Variants in CD8B2 observed in about 807,000 individuals in gnomAD.
CD8B2 encodes CD8B family member 2, also known as T-cell surface glycoprotein CD8 beta-2 chain.
A neutral mutation model predicts 23.7 loss-of-function variants in CD8B2; 11 were observed. The ratio of observed to expected loss-of-function variants is 0.46; its 90% confidence interval spans 0.29 to 0.77. The LOEUF (loss-of-function observed/expected upper bound fraction) is 0.77. Ranked by LOEUF, CD8B2 falls within the 30% of genes least tolerant of loss-of-function variation. The probability of loss-of-function intolerance (pLI) is 0.09; values close to 1 mark genes in which losing one functional copy is unlikely to be tolerated. For synonymous variants in CD8B2, 90 were observed against 109.3 expected (o/e 0.82, Z 1.10); for missense variants, 197 against 270.5 (o/e 0.73, Z 1.91).
chr2:106,519,890 G>A (rs1679795974), intron 5 of CD8B2, among the ~76,000 whole-genome samples: 1 of 152,226 alleles, frequency 6.6e-6, no homozygotes, highest in South Asian at 2.1e-4. Flanking sequence ...GTGGGCCACA[G>A]GTTGGACAAG....
chr2:106,523,551 G>A (rs1349449751), intron 5 of CD8B2, among the ~76,000 whole-genome samples: 2 of 152,176 alleles, frequency 1.3e-5, no homozygotes, highest in Non-Finnish European at 2.9e-5. Flanking sequence ...AGGGCCTCCT[G>A]TGTGATGCAC....
intron 5 of CD8B2, among the ~76,000 whole-genome samples, chr2:106,536,812 A>G (rs1381499364): frequency 1.3e-5 from 2 of 152,170 alleles, no homozygotes; most frequent in African/African-American, 4.8e-5. Context: ...TGTGTTGAAG[A>G]CAGAAGTCTT....
At chr2:106,492,382 T>G (rs1214963743) in intron 2 of CD8B2, among the ~76,000 whole-genome samples, 1 of 152,188 alleles carries the variant, frequency 6.6e-6, no homozygotes, top group Admixed American at 6.5e-5. Context: ...CTCAATTTAT[T>G]AACTATATTT....
chr2:106,536,404 C>A (rs571564371), intron 5 of CD8B2, among the ~76,000 whole-genome samples: 9 of 152,200 alleles, frequency 5.9e-5, no homozygotes, highest in African/African-American at 1.9e-4. Context: ...AGAAATCCAC[C>A]CTCAAAATCC....
At chr2:106,526,375 C>T (rs539047099) in intron 5 of CD8B2, among the ~76,000 whole-genome samples, 46 of 152,264 alleles carry the variant, frequency 3.0e-4, no homozygotes, top group African/African-American at 1.1e-3. Context: ...CACTTCACCT[C>T]CCAAAATGAA....
intron 5 of CD8B2, among the ~76,000 whole-genome samples, chr2:106,517,043 T>G (rs1053703508): frequency 4.0e-5 from 6 of 149,248 alleles, no homozygotes; most frequent in Non-Finnish European, 8.9e-5. Flanking sequence ...ATACATGAAA[T>G]AAATATTTCA....
chr2:106,519,260 CAT>C (rs1190323322), intron 5 of CD8B2, among the ~76,000 whole-genome samples: 1 of 152,214 alleles, frequency 6.6e-6, no homozygotes, highest in African/African-American at 2.4e-5. Flanking sequence ...CAGATTTATT[CAT>C]CTCTCTGGCC....
chr2:106,505,365 A>C (rs1679484245), intron 5 of CD8B2, among the ~76,000 whole-genome samples: 1 of 152,156 alleles, frequency 6.6e-6, no homozygotes, highest in Non-Finnish European at 1.5e-5. Flanking sequence ...GCTGGGTTTG[A>C]ATCCCGTCTG....
chr2:106,514,785 T>C (rs1679702218), downstream of CD8B2, among the ~76,000 whole-genome samples: 1 of 150,836 alleles, frequency 6.6e-6, no homozygotes, highest in Non-Finnish European at 1.5e-5. Flanking sequence ...AGAAGAAAGC[T>C]GATTCACACG....
At chr2:106,488,201 G>A (rs1679117191) in intron 1 of CD8B2, among the ~76,000 whole-genome samples, 1 of 151,964 alleles carries the variant, frequency 6.6e-6, no homozygotes, top group South Asian at 2.1e-4. Flanking sequence ...GGGGTGACAA[G>A]GCCTGCCCGC....
chr2:106,519,766 C>A (rs1457035737), intron 5 of CD8B2, among the ~76,000 whole-genome samples: 2 of 152,190 alleles, frequency 1.3e-5, no homozygotes, highest in African/African-American at 2.4e-5. Context: ...CTAATACTAA[C>A]AATAGCAGAT....
rs1679620355 is a variant in CD8B2 at position 106,510,931 on chromosome 2, CAGGAAAAGGTCTGTA to C, written c.*3996_*4010del. On this transcript the variant is annotated 3_prime_UTR_variant, in exon 6 of 6. Transcript: ENST00000643224. The stretch of plus-strand genomic sequence containing the variant: ...CCGGGTATATTTGTTTGTATATGTA[CAGGAAAAGGTCTGTA>C]AGGATTTACTTTCAGCTGTTAATTG... 6.6e-6 allele frequency: 1 copy of C among 152,050 alleles called. No homozygotes were observed. The highest frequency in any genetic ancestry group is 2.1e-4 in the South Asian group (1 of 4,822). The allele number at this position is 152,050 out of a possible 1,614,324, so 9.4% of individuals were successfully genotyped here.
chr2:106,521,196 AGT>A (rs1679821002), intron 5 of CD8B2, among the ~76,000 whole-genome samples: 1 of 152,100 alleles, frequency 6.6e-6, no homozygotes, highest in Admixed American at 6.5e-5. Context: ...ACGTTTACAT[AGT>A]GAGTGGAGAA....
At chr2:106,522,783 G>A (rs943918959) in intron 5 of CD8B2, among the ~76,000 whole-genome samples, 12 of 152,256 alleles carry the variant, frequency 7.9e-5, no homozygotes, top group Admixed American at 3.3e-4. Flanking sequence ...AATTATGTAC[G>A]TAGGTTTGCA....
Position 106,504,303 on chromosome 2 carries a change from G to A in CD8B2, c.598G>A (p.Ala200Thr), listed in dbSNP as rs1679464152. Residue 200 changes from alanine (A) to threonine (T), a missense_variant, in exon 5 of 6, where the codon GCC becomes ACC. Physicochemically the swap from Ala to Thr is moderately conservative, Grantham distance 58. Coordinates refer to ENST00000643224, the MANE Select transcript of CD8B2 (RefSeq NM_001349727.2). ...TCCTCTTCCAGGCCGGCGGAGGAGA[G>A]CCCGGCTTCGTTTCATGAAACAGTA... ...AMHLCCRRRRARLRFMKQFYK is the reference protein window; with the variant it reads ...AMHLCCRRRRTRLRFMKQFYK 1.9e-6 allele frequency: 3 copies of A among 1,554,738 alleles called. No individual in the cohort carries two copies. The East Asian group carries it at 7.3e-5, about 38-fold the overall frequency.
At position 106,510,908 on chromosome 2, in the gene CD8B2, G is replaced by A. The variant is rs1679619660; in HGVS notation, c.*3968G>A. 1.3e-5 allele frequency: 2 copies of A among 151,916 alleles called. No individual in the cohort carries two copies. Among genetic ancestry groups the A allele is most frequent in the Admixed American group, 6.6e-5 (1 of 15,246 alleles). 9.4% of individuals were successfully genotyped at this position (151,916 alleles called of 1,614,324 possible). On this transcript the variant is annotated 3_prime_UTR_variant, in exon 6 of 6. Coordinates refer to ENST00000643224, the MANE Select transcript of CD8B2 (RefSeq NM_001349727.2). ...TCTCTAATAATAAATCAAGGCCTCC[G>A]GGTATATTTGTTTGTATATGTACAG... is the stretch of plus-strand genomic sequence containing the variant.
downstream of CD8B2, among the ~76,000 whole-genome samples, chr2:106,512,429 C>T (rs11686987): frequency 0.028 from 4,229 of 152,042 alleles, 71 homozygotes; most frequent in Non-Finnish European, 0.03. Flanking sequence ...CTATTTATGA[C>T]TGAACTAATA....
intron 5 of CD8B2, among the ~76,000 whole-genome samples, chr2:106,534,494 C>T (rs76149685): frequency 0.012 from 1,754 of 152,228 alleles, 17 homozygotes; most frequent in South Asian, 0.031. Context: ...AAGAAGCAAA[C>T]GGAGGGGTGA....
rs537654801 is a variant in CD8B2, at chr2:106,487,456, C to G, written c.30C>G (p.Ala10=). ...GGCCGCGGCTGTGGCTCCTCCTGGC[C>G]GCGCAGCTGACAGGTAAGGCGGCGG... MRPRLWLLL[A]AQLTVLHGNS... Residue 10 remains alanine, a synonymous_variant, in exon 1 of 6, where the codon GCC becomes GCG. Transcript: ENST00000643224. The G allele has an allele frequency of 8.0e-7, 1 of 1,248,588 alleles. No individual in the cohort carries two copies. Among genetic ancestry groups the G allele is most frequent in the East Asian group, 3.2e-5 (1 of 31,706 alleles). The allele number at this position is 1,248,588 out of a possible 1,614,324, so 77.3% of individuals were successfully genotyped here.
Sources: gnomAD v4.1 joint callset for allele counts (sites outside exome capture counted in the v4.1 genomes callset) on GRCh38, gnomAD v4.1.1 for gene constraint, MANE v1.5 for transcripts, NCBI Gene and HGNC (gene_info 2026-07-23, HGNC 2026-07-21) for gene names.